SCML2: variants seen among roughly 807,000 people sequenced by gnomAD.
SCML2 encodes Scm polycomb group protein like 2.
SCML2 carries 6 observed loss-of-function variants against 48.4 expected under a neutral mutation model. That is an observed-to-expected ratio of 0.12 (90% CI 0.07 to 0.24). The LOEUF is 0.24. Among genes scored for constraint, SCML2 ranks in the 10% least tolerant of loss-of-function variants. The pLI, the probability that SCML2 is intolerant of heterozygous loss-of-function variation, is 1.00. For synonymous variants in SCML2, 181 were observed against 189.5 expected, an observed-to-expected ratio of 0.95 and a Z score of 0.37; for missense variants, 377 against 528.2, an observed-to-expected ratio of 0.71 and a Z score of 2.81.
intron 7 of SCML2, among the ~76,000 whole-genome samples, chrX:18,299,794 G>A (rs948678825): frequency 1.0e-4 from 11 of 107,819 alleles, no homozygotes; most frequent in African/African-American, 3.4e-4. Flanking sequence ...CTGTAGTGCA[G>A]TGACATGAAT....
chrX:18,246,995 A>C (rs1926471295), intron 12 of SCML2, among the ~76,000 whole-genome samples, 167 bp from the exon 13 acceptor site: 1 of 111,804 alleles, frequency 8.9e-6, no homozygotes, highest in Non-Finnish European at 1.9e-5. Flanking sequence ...GTATGGATGC[A>C]TACACTGATT....
intron 6 of SCML2, among the ~76,000 whole-genome samples, chrX:18,317,833 C>CAAAAAA (rs35128193): frequency 1.3e-4 from 5 of 38,466 alleles, no homozygotes; most frequent in African/African-American, 3.7e-4. Flanking sequence ...GACTCCGTCT[C>CAAAAAA]AAAAAAAAAA....
At chrX:18,262,357 T>G (rs1927096712) in intron 8 of SCML2, among the ~76,000 whole-genome samples, 1 of 98,923 alleles carries the variant, frequency 1.0e-5, no homozygotes, top group Non-Finnish European at 2.0e-5. Context: ...TTTTTTTTTT[T>G]TGAGATGGAG....
intron 7 of SCML2, among the ~76,000 whole-genome samples, chrX:18,284,389 T>C (rs1195660902): frequency 9.0e-6 from 1 of 111,581 alleles, no homozygotes; most frequent in Admixed American, 9.6e-5. Context: ...CAAGAGCCAG[T>C]GCAACGAAAT....
chrX:18,353,265 T>G (rs2147579393), intron 1 of SCML2, among the ~76,000 whole-genome samples: 1 of 112,383 alleles, frequency 8.9e-6, no homozygotes, highest in African/African-American at 3.2e-5. Context: ...CCCTCGCTGT[T>G]ATTGAAAAGA....
chrX:18,337,345 A>G (rs1474335404), intron 1 of SCML2, among the ~76,000 whole-genome samples: 9 of 91,289 alleles, frequency 9.9e-5, no homozygotes, highest in Non-Finnish European at 1.7e-4. Flanking sequence ...AACCAATTGT[A>G]TGTTGGCTAC....
chrX:18,269,970 T>A (rs917488127), intron 7 of SCML2, among the ~76,000 whole-genome samples: 1 of 110,221 alleles, frequency 9.1e-6, no homozygotes, highest in African/African-American at 3.3e-5. Flanking sequence ...ATAATAAAAA[T>A]TTTTTGATGT....
chrX:18,320,462 T>C, intron 5 of SCML2, 42 bp from the exon 6 acceptor site: 1 of 818,446 alleles, frequency 1.2e-6, no homozygotes, highest in Non-Finnish European at 1.8e-6. Context: ...AAAGCCTCCT[T>C]GTGATACTAT....
At chrX:18,252,349 A>G (rs1330112379) in intron 11 of SCML2, among the ~76,000 whole-genome samples, 1 of 112,913 alleles carries the variant, frequency 8.9e-6, no homozygotes, top group Non-Finnish European at 1.9e-5. Flanking sequence ...TGCATATTAT[A>G]TGATTCTATT....
chrX:18,305,318 CA>C, intron 6 of SCML2, 103 bp from the exon 7 acceptor site: 1 of 747,702 alleles, frequency 1.3e-6, no homozygotes, highest in Non-Finnish European at 1.9e-6. Flanking sequence ...CCTTAGCAAC[CA>C]AAAATTAAGC....
At chrX:18,261,818 A>C (rs1397062067) in intron 8 of SCML2, among the ~76,000 whole-genome samples, 1 of 109,979 alleles carries the variant, frequency 9.1e-6, no homozygotes, top group East Asian at 2.8e-4. Flanking sequence ...TGCATTTAAA[A>C]TATTATTTCA....
chrX:18,244,099 G>T (rs1926358782), intron 13 of SCML2, among the ~76,000 whole-genome samples: 1 of 111,583 alleles, frequency 9.0e-6, no homozygotes, highest in South Asian at 3.7e-4. Context: ...ACGATGATGT[G>T]AAATAAAAAC....
chrX:18,255,740 T>G (rs937785213), intron 11 of SCML2, among the ~76,000 whole-genome samples: 4 of 112,681 alleles, frequency 3.5e-5, no homozygotes, highest in Non-Finnish European at 7.5e-5. Flanking sequence ...AAAAAAGTAG[T>G]AGCTAGAGAC....
chrX:18,265,903 C>G, intron 7 of SCML2, 101 bp from the exon 8 acceptor site: 1 of 558,625 alleles, frequency 1.8e-6, no homozygotes, highest in Non-Finnish European at 2.7e-6. Flanking sequence ...AAAACCATTT[C>G]CAAAGGTTAT....
At chrX:18,324,623 T>C (rs756063224) in intron 4 of SCML2, among the ~76,000 whole-genome samples, 1 of 112,233 alleles carries the variant, frequency 8.9e-6, no homozygotes, top group South Asian at 3.7e-4. Flanking sequence ...ATTCCAACCA[T>C]CTCAAATAGC....
chrX:18,285,718 T>A (rs1471172477), intron 7 of SCML2, among the ~76,000 whole-genome samples: 2 of 111,636 alleles, frequency 1.8e-5, no homozygotes, highest in Admixed American at 9.5e-5. Flanking sequence ...AGTTTTTTGT[T>A]TTTTCCTCAA....
chrX:18,308,087 C>T (rs1255995619), intron 6 of SCML2, among the ~76,000 whole-genome samples: 8 of 101,179 alleles, frequency 7.9e-5, no homozygotes, highest in African/African-American at 1.8e-4. Context: ...GATCAAGACT[C>T]GTCTCAAAAG....
chrX:18,269,441 T>A (rs1228011156), intron 7 of SCML2, among the ~76,000 whole-genome samples: 1 of 112,231 alleles, frequency 8.9e-6, no homozygotes, highest in Non-Finnish European at 1.9e-5. Flanking sequence ...ACCATGAATG[T>A]AAGTTTCCTG....
chrX:18,332,287 A>T (rs1569162763), intron 2 of SCML2, among the ~76,000 whole-genome samples: 1 of 112,413 alleles, frequency 8.9e-6, no homozygotes, highest in Non-Finnish European at 1.9e-5. Flanking sequence ...TCCACAGATG[A>T]CCAGTAAGTT....
Sources: allele counts gnomAD v4.1 joint callset (sites outside exome capture counted in the v4.1 genomes callset), GRCh38; gene constraint gnomAD v4.1.1; transcripts MANE v1.5; gene names NCBI Gene and HGNC (gene_info 2026-07-23, HGNC 2026-07-21).